Variants in PRKG1 observed in about 807,000 individuals in gnomAD.
PRKG1 encodes cGMP-dependent protein kinase 1.
A neutral mutation model predicts 88.1 loss-of-function variants in PRKG1; 35 were observed. The observed-to-expected ratio is 0.40, with a 90% CI of 0.30 to 0.53. The LOEUF (loss-of-function observed/expected upper bound fraction) is 0.53. Among genes scored for constraint, PRKG1 ranks in the 20% least tolerant of loss-of-function variants. The probability of loss-of-function intolerance (pLI) is 0.59; values close to 1 mark genes in which losing one functional copy is unlikely to be tolerated. For synonymous variants in PRKG1, 303 were observed against 292.5 expected, an observed-to-expected ratio of 1.04 and a Z score of -0.37; for missense variants, 540 against 839.8, an observed-to-expected ratio of 0.64 and a Z score of 4.41.
At chr10:51,085,027 T>G (rs1186904142) in intron 1 of PRKG1, among the ~76,000 whole-genome samples, 2 of 152,208 alleles carry the variant, frequency 1.3e-5, no homozygotes, top group Admixed American at 1.3e-4. Flanking sequence ...TTGACAATGC[T>G]TCTAAGTTTG....
intron 3 of PRKG1, among the ~76,000 whole-genome samples, chr10:51,523,331 GAT>G (rs1392143607): frequency 6.6e-6 from 1 of 152,148 alleles, no homozygotes; most frequent in Admixed American, 6.5e-5. Flanking sequence ...CTGTGTCCAT[GAT>G]TTTTGCAGTT....
At chr10:51,469,354 T>C (rs61849777) in intron 3 of PRKG1, among the ~76,000 whole-genome samples, 6,886 of 151,948 alleles carry the variant, frequency 0.045, 243 homozygotes, top group Middle Eastern at 0.15. Flanking sequence ...CACTGCTTGA[T>C]ACTTTAATCT....
intron 5 of PRKG1, among the ~76,000 whole-genome samples, chr10:51,961,638 A>G (rs1284661399): frequency 6.6e-6 from 1 of 152,200 alleles, no homozygotes; most frequent in Non-Finnish European, 1.5e-5. Context: ...TGCTAGATTC[A>G]TGGTGATTGT....
At chr10:51,916,545 G>A (rs1195915998) in intron 5 of PRKG1, among the ~76,000 whole-genome samples, 2 of 152,132 alleles carry the variant, frequency 1.3e-5, no homozygotes, top group Admixed American at 1.3e-4. Flanking sequence ...TAATACACTT[G>A]CTTTCACTTT....
intron 2 of PRKG1, among the ~76,000 whole-genome samples, chr10:51,226,003 A>C (rs1476254694): frequency 6.6e-6 from 1 of 152,150 alleles, no homozygotes; most frequent in Non-Finnish European, 1.5e-5. Flanking sequence ...CAGGAGTTTG[A>C]GATCAGCCTG....
chr10:51,361,108 CGT>C (rs1365024925), intron 2 of PRKG1, among the ~76,000 whole-genome samples: 1 of 151,774 alleles, frequency 6.6e-6, no homozygotes, highest in Non-Finnish European at 1.5e-5. Flanking sequence ...ACAATTCTGG[CGT>C]GTCTTATTGC....
chr10:51,170,160 T>C (rs1475499247), intron 2 of PRKG1, among the ~76,000 whole-genome samples: 1 of 152,086 alleles, frequency 6.6e-6, no homozygotes, highest in Non-Finnish European at 1.5e-5. Flanking sequence ...GTTTCTCCAA[T>C]TTGTTAATTC....
intron 8 of PRKG1, among the ~76,000 whole-genome samples, chr10:52,147,753 C>G (rs1225808927): frequency 6.6e-5 from 10 of 152,034 alleles, no homozygotes; most frequent in Non-Finnish European, 1.2e-4. Context: ...CAAAGGTAGA[C>G]CGGATGGGCT....
At chr10:51,280,642 T>C (rs934038850) in intron 2 of PRKG1, among the ~76,000 whole-genome samples, 2 of 152,238 alleles carry the variant, frequency 1.3e-5, no homozygotes, top group African/African-American at 4.8e-5. Flanking sequence ...TACCCTTTCT[T>C]CCAGTTGATC....
At chr10:51,237,018 G>A (rs973810645) in intron 2 of PRKG1, among the ~76,000 whole-genome samples, 2 of 152,130 alleles carry the variant, frequency 1.3e-5, no homozygotes, top group Non-Finnish European at 2.9e-5. Context: ...GGACTGTTCT[G>A]GTTCATGCCT....
intron 8 of PRKG1, among the ~76,000 whole-genome samples, chr10:52,139,201 A>G (rs2132646282): frequency 6.6e-6 from 1 of 152,296 alleles, no homozygotes; most frequent in East Asian, 1.9e-4. Context: ...AACAAGACAC[A>G]AATTCAAAAT....
At chr10:51,504,877 A>G (rs1438550131) in intron 3 of PRKG1, among the ~76,000 whole-genome samples, 1 of 152,160 alleles carries the variant, frequency 6.6e-6, no homozygotes, top group Non-Finnish European at 1.5e-5. Flanking sequence ...TTGGGCTGAG[A>G]CGATGGGGTT....
At chr10:52,009,734 G>T (rs1297542430) in intron 5 of PRKG1, among the ~76,000 whole-genome samples, 1 of 152,094 alleles carries the variant, frequency 6.6e-6, no homozygotes, top group African/African-American at 2.4e-5. Flanking sequence ...TAAGGAAAAA[G>T]AACAAATCTG....
intron 1 of PRKG1, among the ~76,000 whole-genome samples, chr10:51,096,590 A>G (rs1404390301): frequency 6.6e-6 from 1 of 151,952 alleles, no homozygotes; most frequent in African/African-American, 2.4e-5. Context: ...CTGGAAGTAC[A>G]CCTCCCAGTT....
intron 9 of PRKG1, among the ~76,000 whole-genome samples, chr10:52,187,336 A>G (rs1222914827): frequency 1.3e-5 from 2 of 152,148 alleles, no homozygotes; most frequent in Non-Finnish European, 2.9e-5. Flanking sequence ...CTTTATTTTC[A>G]TATAACCCCT....
intron 2 of PRKG1, among the ~76,000 whole-genome samples, chr10:51,164,572 A>G (rs1319093382): frequency 6.6e-6 from 1 of 152,252 alleles, no homozygotes; most frequent in Non-Finnish European, 1.5e-5. Flanking sequence ...AGTTGAGAGA[A>G]GAAGGCTTCA....
rs1003657399 is a variant in PRKG1 at position 51,406,826 on chromosome 10, T to C, written c.479-60897T>C. Among the ~76,000 whole-genome samples, 4 of 152,118 alleles carry C rather than the reference T, an allele frequency of 2.6e-5. No homozygotes were observed. In the South Asian group the frequency reaches 6.2e-4, roughly 24 times the overall value. On this transcript the variant is annotated intron_variant, in intron 2 of 17. Transcript: ENST00000373980. The stretch of plus-strand genomic sequence containing the variant: ...GAGTTCTCTAGAGGGAAAGAACTAA[T>C]AGGAAATATGTATATGTATAAAGGG...
chr10:51,980,494 G>A lies in PRKG1; in HGVS notation c.762+72924G>A, dbSNP rs772729738. Among the ~76,000 whole-genome samples the A allele has an allele frequency of 2.4e-3, 365 of 152,216 alleles. 2 individuals carry two copies. Among genetic ancestry groups the A allele is most frequent in the Non-Finnish European group, 4.2e-3 (285 of 67,994 alleles). ...GAGAGTTCTGTAGAATTTCTATCAGGTCCATTTGATCCAGTACTGAGTTCA... is the reference window on the plus strand; with the variant it reads ...GAGAGTTCTGTAGAATTTCTATCAGATCCATTTGATCCAGTACTGAGTTCA... On this transcript the variant is annotated intron_variant, in intron 5 of 17. Coordinates refer to ENST00000373980, the MANE Select transcript of PRKG1 (RefSeq NM_006258.4).
chr10:51,388,323 T>A (rs765174563), intron 2 of PRKG1, among the ~76,000 whole-genome samples: 19 of 152,200 alleles, frequency 1.2e-4, no homozygotes, highest in Non-Finnish European at 1.9e-4. Context: ...CCGAGTCCAG[T>A]GAGACTAGCT....
Sources: gnomAD v4.1 joint callset for allele counts (sites outside exome capture counted in the v4.1 genomes callset) on GRCh38, gnomAD v4.1.1 for gene constraint, MANE v1.5 for transcripts, NCBI Gene and HGNC (gene_info 2026-07-23, HGNC 2026-07-21) for gene names.